The following LAMA1 variants were observed in gnomAD, a reference collection of about 807,000 sequenced individuals.
LAMA1 encodes the protein laminin subunit alpha-1.
LAMA1 carries 219 observed loss-of-function variants against 348.7 expected under a neutral mutation model. The ratio of observed to expected loss-of-function variants is 0.63; its 90% CI spans 0.56 to 0.70. The LOEUF (loss-of-function observed/expected upper bound fraction) is 0.70, where lower values mean the gene tolerates loss of function less well. LAMA1 is among the 30% of genes least tolerant of loss of function. LAMA1 has a pLI of 0.00. For missense variants in LAMA1, 3,744 were observed against 3,888.0 expected (o/e 0.96, Z 0.99); for synonymous variants, 1,487 against 1,491.0 (o/e 1.00, Z 0.06).
chr18:6,947,229 AT>A lies in LAMA1; in HGVS notation c.8777del (p.Asn2926MetfsTer17), dbSNP rs768879429. On this transcript the variant is annotated frameshift_variant, in exon 61 of 63. Coordinates refer to ENST00000389658, the MANE Select transcript of LAMA1 (RefSeq NM_005559.4). LOFTEE classifies it high-confidence loss of function. ...CAGTGCTGATCCCCAGGAGGACGCCATTCTGCGAGGAGGTTCGAAACTCCAG... is the reference window on the plus strand; with the variant it reads ...CAGTGCTGATCCCCAGGAGGACGCCATCTGCGAGGAGGTTCGAAACTCCAG... The part of the protein sequence containing the change: ...ITLEFRTSSQ[N>X]GVLLGISTAK... 6.2e-7 allele frequency: 1 copy of A among 1,614,232 alleles called. No individual in the cohort carries two copies. The highest frequency in any genetic ancestry group is 1.7e-5 in the Admixed American group (1 of 60,028).
At chr18:7,103,033 T>C (rs2058297390) in intron 1 of LAMA1, among the ~76,000 whole-genome samples, 1 of 152,200 alleles carries the variant, frequency 6.6e-6, no homozygotes, top group South Asian at 2.1e-4. Flanking sequence ...TCTGTAACCA[T>C]ATTTGGACTC....
In LAMA1 at chr18:6,966,084, C is replaced by T. The variant is rs1322996413; in HGVS notation, c.7050+63G>A. The T allele has an allele frequency of 2.5e-6, 4 of 1,576,526 alleles. No individual in the cohort carries two copies. In the African/African-American group the frequency reaches 5.4e-5, roughly 21 times the overall value. On this transcript the variant is annotated intron_variant, in intron 49 of 62. Transcript: ENST00000389658. ...TTAGTAAATCCTCATTAAACATAAA[C>T]AACCACATAGCAATCTAAATGTGTG...
rs1349749576 is a variant in LAMA1 at position 7,010,325 on chromosome 18, C to T, written c.3748G>A (p.Gly1250Ser). 1.2e-5 allele frequency: 19 copies of T among 1,613,988 alleles called. No individual in the cohort carries two copies. Among genetic ancestry groups the T allele is most frequent in the Non-Finnish European group, 1.4e-5 (17 of 1,180,038 alleles). ...ACTTGAGGCTCAAAATTGGAGGTGC[C>T]GACGCCATCCAAAGAATAGAAGGCC... Reference protein sequence around the residue: ...SVAFYSLDGVGTSNFEPQVLI... With the variant: ...SVAFYSLDGVSTSNFEPQVLI... The change falls in exon 26 of 63, where the codon GGC becomes AGC. Residue 1250 changes from glycine (G) to serine (S), a missense_variant. Gly to Ser is a moderately conservative substitution (Grantham distance 56). Transcript: ENST00000389658.
chr18:7,034,634 T>A lies in LAMA1; in HGVS notation c.1896A>T (p.Glu632Asp). ...QAEGLSLQPY[E>D]EYLNVVRLVP... is the part of the protein sequence containing the mutation. ...CAAGTCTAACCACGTTTAGGTACTC[T>A]TCATAAGGCTGCAATGACAGACCCT... Residue 632 changes from glutamate (E) to aspartate (D), a missense_variant, in exon 14 of 63, where the codon GAA (glutamate) becomes GAT (aspartate). By Grantham distance (45) the Glu-to-Asp change is conservative. Transcript: ENST00000389658. 6.2e-7 allele frequency: 1 copy of A among 1,614,210 alleles called. No homozygotes were observed. Among genetic ancestry groups the A allele is most frequent in the Non-Finnish European group, 8.5e-7 (1 of 1,180,028 alleles).
In LAMA1 at chr18:7,038,602, C is replaced by T. The variant is rs7234977; in HGVS notation, c.1563+208G>A. On this transcript the variant is annotated intron_variant, in intron 11 of 62. Transcript: ENST00000389658. ...TAGTGCCACATCATCCTGTTTTTTC[C>T]ATAGAGAAATGTGTGTGGGAGTAAG... is the stretch of plus-strand genomic sequence containing the variant. 3,377 of 675,520 alleles carry T rather than the reference C, an allele frequency of 5.0e-3. 62 individuals are homozygous for T. Among genetic ancestry groups the T allele is most frequent in the African/African-American group, 0.05 (2,784 of 56,056 alleles). The allele number at this position is 675,520 out of a possible 1,614,324, so 41.8% of individuals were successfully genotyped here.
At chr18:7,031,385 C>A (rs892249032) in intron 16 of LAMA1, among the ~76,000 whole-genome samples, 1 of 152,158 alleles carries the variant, frequency 6.6e-6, no homozygotes, top group Non-Finnish European at 1.5e-5. Context: ...GATTAACTAC[C>A]TATTTCTTAA....
At chr18:7,033,160 A>T in intron 14 of LAMA1, 65 bp from the exon 15 acceptor site, 1 of 1,170,472 alleles carries the variant, frequency 8.5e-7, no homozygotes, top group Non-Finnish European at 1.2e-6. Flanking sequence ...CTCAATGAAG[A>T]TGGGCTCCTA....
chr18:7,113,950 G>A lies in LAMA1; in HGVS notation c.61+3710C>T, dbSNP rs1319782746. ...AAATTAGCTGGGCGTGGTGGCGGGC[G>A]CCTGTAGTCCCAGCTACTCAGGAGG... On this transcript the variant is annotated intron_variant, in intron 1 of 62. Coordinates refer to ENST00000389658, the MANE Select transcript of LAMA1 (RefSeq NM_005559.4). Among the ~76,000 whole-genome samples the A allele has an allele frequency of 6.6e-5, 10 of 151,996 alleles. No homozygotes were observed. In the East Asian group the frequency reaches 7.8e-4, roughly 12 times the overall value.
At chr18:6,979,877 C>G (rs113406441) in intron 42 of LAMA1, among the ~76,000 whole-genome samples, 7 of 152,116 alleles carry the variant, frequency 4.6e-5, no homozygotes, top group East Asian at 1.9e-4. Context: ...CCAGCCTGGG[C>G]GACAGAGCGA....
rs764351708 is a variant in LAMA1, at chr18:7,011,324, C to T, written c.3663G>A (p.Leu1221=). 4.0e-5 allele frequency: 64 copies of T among 1,608,140 alleles called. No homozygotes were observed. The South Asian group carries it at 6.9e-4, about 17-fold the overall frequency. Reference sequence around the variant, plus strand: ...CCTGGTCTCCTTGGAACTGCTGCGGCAGCCGCCAGTAAAACGGCTCTGCAC... The same window carrying T: ...CCTGGTCTCCTTGGAACTGCTGCGGTAGCCGCCAGTAAAACGGCTCTGCAC... ...HIRAEPFYWR[L]PQQFQGDQLM... Residue 1221 remains leucine, a synonymous_variant, in exon 25 of 63, where the codon CTG becomes CTA. Coordinates refer to ENST00000389658, the MANE Select transcript of LAMA1 (RefSeq NM_005559.4).
intron 36 of LAMA1, among the ~76,000 whole-genome samples, chr18:6,990,442 G>C (rs749842938): frequency 6.6e-6 from 1 of 152,106 alleles, no homozygotes; most frequent in Admixed American, 6.5e-5. Context: ...TCAGATGTGT[G>C]GGGGGCTGAG....
Position 6,982,559 on chromosome 18 carries a change from G to A in LAMA1, c.5828C>T (p.Ala1943Val), listed in dbSNP as rs149983454. ...AAATCTGGAGCTGCGCTGCACGGCC[G>A]CTTTCCCGTTAGAAACAAGGGATTC... ...LSESLVSNGK[A>V]AVQRSSRFLK... Residue 1943 changes from alanine (A) to valine (V), a missense_variant, in exon 41 of 63, where the codon GCG (alanine) becomes GTG (valine). By Grantham distance (64) the Ala-to-Val change is moderately conservative (BLOSUM62 0). Transcript: ENST00000389658. 3.7e-6 allele frequency: 6 copies of A among 1,614,130 alleles called. No individual in the cohort carries two copies. Among genetic ancestry groups the A allele is most frequent in the African/African-American group, 2.7e-5 (2 of 75,034 alleles).
chr18:6,961,588 C>G lies in LAMA1; in HGVS notation c.7624G>C (p.Val2542Leu). The G allele has an allele frequency of 6.2e-7, 1 of 1,613,322 alleles. No individual in the cohort carries two copies. The highest frequency in any genetic ancestry group is 8.5e-7 in the Non-Finnish European group (1 of 1,180,024). The change falls in exon 53 of 63, where the codon GTG becomes CTG. Residue 2542 changes from valine (V) to leucine (L), a missense_variant and splice_region_variant. This residue lies in a region of LAMA1 where 1,983 missense variants were observed against 1,934.3 expected (regional missense o/e 1.03). Transcript: ENST00000389658. The part of the protein sequence containing the change: ...EKRGDREEAH[V>L]PFFSVMLIGG... ...TCAGGAGCACTGGCCCTACTCACCA[C>G]GTGTGCTTCCTCACGATCACCCCGC...
intron 19 of LAMA1, among the ~76,000 whole-genome samples, chr18:7,018,419 G>A (rs542042442): frequency 5.6e-5 from 8 of 142,176 alleles, no homozygotes; most frequent in Admixed American, 1.4e-4. Flanking sequence ...TTTTTGAGAC[G>A]GAGTGTCACT....
intron 1 of LAMA1, among the ~76,000 whole-genome samples, chr18:7,108,520 G>T (rs2143832275): frequency 6.6e-6 from 1 of 151,408 alleles, no homozygotes; most frequent in African/African-American, 2.4e-5. Context: ...AATTAGCTGG[G>T]TGTGGTGGCA....
chr18:7,033,426 A>G (rs7227392), intron 14 of LAMA1, among the ~76,000 whole-genome samples: 39,220 of 147,562 alleles, frequency 0.27, 7,043 homozygotes, highest in African/African-American at 0.52. Context: ...ACTGCACTCC[A>G]GCCTGGGTGA....
intron 33 of LAMA1, 89 bp downstream of exon 33, chr18:6,997,653 A>G (rs902093170): frequency 7.1e-7 from 1 of 1,400,452 alleles, no homozygotes; most frequent in Non-Finnish European, 1.0e-6. Context: ...CAATGTGGGG[A>G]GGACACATGG....
At chr18:6,948,999 A>G in intron 59 of LAMA1, 102 bp downstream of exon 59, 1 of 1,469,130 alleles carries the variant, frequency 6.8e-7, no homozygotes, top group Non-Finnish European at 9.4e-7. Context: ...CCCAGGTTCA[A>G]ACAAGGTAAT....
At chr18:6,945,609 G>C (rs2057518103) in intron 61 of LAMA1, among the ~76,000 whole-genome samples, 1 of 152,156 alleles carries the variant, frequency 6.6e-6, no homozygotes, top group Non-Finnish European at 1.5e-5. Flanking sequence ...TAGGTAGAGA[G>C]AGGACCAGAG....
Sources: allele counts gnomAD v4.1 joint callset (sites outside exome capture counted in the v4.1 genomes callset), GRCh38; gene constraint gnomAD v4.1.1; regional missense constraint gnomAD v4.1.1; transcripts MANE v1.5; gene names NCBI Gene and HGNC (gene_info 2026-07-23, HGNC 2026-07-21).